The following LINGO1 variants were observed in gnomAD, a reference collection of about 807,000 sequenced individuals.
LINGO1 encodes the protein leucine-rich repeat and immunoglobulin-like domain-containing nogo receptor-interacting protein 1.
Under a neutral mutation model 37.3 loss-of-function variants are expected in LINGO1, and 11 were observed. The ratio of observed to expected loss-of-function variants is 0.29; its 90% CI spans 0.19 to 0.49. LINGO1 has a LOEUF of 0.49. Ranked by LOEUF, LINGO1 falls within the 20% of genes least tolerant of loss-of-function variation. LINGO1 has a pLI of 0.99. For synonymous variants in LINGO1, 387 were observed against 403.0 expected (o/e 0.96, Z 0.48); for missense variants, 585 against 878.2 (o/e 0.67, Z 4.22).
intron 1 of LINGO1, among the ~76,000 whole-genome samples, chr15:77,809,140 G>A (rs2076983273): frequency 6.6e-6 from 1 of 152,218 alleles, no homozygotes; most frequent in Non-Finnish European, 1.5e-5. Context: ...CTTAGAATCT[G>A]CCAGGCCAGG....
chr15:77,628,202 T>G (rs2074150533), intron 1 of LINGO1, among the ~76,000 whole-genome samples: 1 of 152,212 alleles, frequency 6.6e-6, no homozygotes, highest in Non-Finnish European at 1.5e-5. Context: ...CCAGCAATTC[T>G]GCTCCTAGCT....
upstream of LINGO1, among the ~76,000 whole-genome samples, chr15:77,791,956 C>T (rs2076821679): frequency 6.6e-6 from 1 of 151,996 alleles, no homozygotes; most frequent in Non-Finnish European, 1.5e-5. Context: ...TGGATTCACC[C>T]CAAGCAATGA....
intron 1 of LINGO1, among the ~76,000 whole-genome samples, chr15:77,742,447 T>A (rs2076273808): frequency 6.6e-6 from 1 of 152,116 alleles, no homozygotes; most frequent in African/African-American, 2.4e-5. Context: ...GGCACCAGTA[T>A]CCCCCTTTCC....
chr15:77,662,243 G>T (rs376409210), intron 3 of LINGO1, among the ~76,000 whole-genome samples: 179 of 152,244 alleles, frequency 1.2e-3, no homozygotes, highest in African/African-American at 4.0e-3. Flanking sequence ...GGTACTGGTA[G>T]CTCCTACCCC....
chr15:77,727,082 A>G (rs115587446), intron 2 of LINGO1, among the ~76,000 whole-genome samples: 96 of 152,366 alleles, frequency 6.3e-4, no homozygotes, highest in African/African-American at 2.3e-3. Flanking sequence ...GGAAAGAAAA[A>G]TAAGTATTTG....
chr15:77,735,596 C>T (rs1280896640), intron 1 of LINGO1, among the ~76,000 whole-genome samples: 1 of 152,246 alleles, frequency 6.6e-6, no homozygotes, highest in Non-Finnish European at 1.5e-5. Context: ...TGCCTCCCAT[C>T]AGTACAGGCA....
upstream of LINGO1, among the ~76,000 whole-genome samples, chr15:77,638,064 C>T (rs2074429361): frequency 6.6e-6 from 1 of 152,238 alleles, no homozygotes; most frequent in Non-Finnish European, 1.5e-5. Context: ...AGCAGCCTCC[C>T]CTACTGGGAA....
intron 1 of LINGO1, among the ~76,000 whole-genome samples, chr15:77,631,991 C>T (rs1299388699): frequency 2.6e-5 from 4 of 152,118 alleles, no homozygotes; most frequent in African/African-American, 9.7e-5. Context: ...TCTAGAGTGA[C>T]CAATACTCAG....
chr15:77,732,958 G>A (rs948615581), intron 2 of LINGO1, among the ~76,000 whole-genome samples: 10 of 152,180 alleles, frequency 6.6e-5, no homozygotes, highest in African/African-American at 1.7e-4. Flanking sequence ...CACCGGCCAC[G>A]GCCGGCCTCC....
chr15:77,686,172 C>T (rs557726848), intron 2 of LINGO1, among the ~76,000 whole-genome samples: 31 of 152,154 alleles, frequency 2.0e-4, no homozygotes, highest in Admixed American at 2.0e-4. Context: ...AGTCTGTGGT[C>T]GGAGGCCTCA....
upstream of LINGO1, among the ~76,000 whole-genome samples, chr15:77,699,458 C>A (rs572391059): frequency 2.0e-3 from 17 of 8,574 alleles, no homozygotes; most frequent in African/African-American, 7.1e-3. Flanking sequence ...ACATACTAAC[C>A]ACCACCTGCA....
At chr15:77,776,557 G>GAAAGCAGGAA (rs1567577951) in intron 1 of LINGO1, among the ~76,000 whole-genome samples, 1 of 149,970 alleles carries the variant, frequency 6.7e-6, no homozygotes, top group Non-Finnish European at 1.5e-5. Flanking sequence ...AGGGAGGGAG[G>GAAAGCAGGAA]GAGCTGACTC....
chr15:77,764,836 G>A (rs1244422157), intron 1 of LINGO1, among the ~76,000 whole-genome samples: 1 of 152,174 alleles, frequency 6.6e-6, no homozygotes, highest in Non-Finnish European at 1.5e-5. Flanking sequence ...TGCACAAGGG[G>A]AATGTCCACA....
At position 77,632,650 on chromosome 15, in the gene LINGO1, C is replaced by G. The variant is rs893870038; in HGVS notation, c.-335G>C. Among the ~76,000 whole-genome samples the G allele has an allele frequency of 1.4e-5, 2 of 146,098 alleles. No individual in the cohort carries two copies. The highest frequency in any genetic ancestry group is 3.0e-5 in the Non-Finnish European group (2 of 65,780). ...GCCGGCCCGGAGCCGCCGCCGCCGC[C>G]TCTGCCGCTGGGGCCGGGGTCGAGG... On this transcript the variant is annotated 5_prime_UTR_variant, in exon 1 of 2. Coordinates refer to ENST00000355300, the MANE Select transcript of LINGO1 (RefSeq NM_032808.7). The surrounding 1 kb of genome is among the most constrained non-coding windows in gnomAD (Gnocchi z 6.0).
intron 1 of LINGO1, among the ~76,000 whole-genome samples, chr15:77,616,400 C>G (rs990176093): frequency 6.6e-6 from 1 of 152,208 alleles, no homozygotes; most frequent in Non-Finnish European, 1.5e-5. Flanking sequence ...CTAGCCTGCA[C>G]GGCCAGGGCT....
At chr15:77,774,832 A>C (rs2076621565) in intron 1 of LINGO1, among the ~76,000 whole-genome samples, 1 of 152,160 alleles carries the variant, frequency 6.6e-6, no homozygotes, top group South Asian at 2.1e-4. Context: ...ACGTACAGAG[A>C]AGAGTGCCCA....
intron 3 of LINGO1, among the ~76,000 whole-genome samples, chr15:77,676,620 G>C (rs1435935838): frequency 3.9e-5 from 6 of 152,162 alleles, no homozygotes; most frequent in Non-Finnish European, 8.8e-5. Context: ...AGAGAGCTGG[G>C]AACTTCCAGA....
intron 1 of LINGO1, among the ~76,000 whole-genome samples, chr15:77,781,274 A>C (rs978857805): frequency 2.0e-5 from 3 of 152,118 alleles, no homozygotes; most frequent in African/African-American, 7.2e-5. Flanking sequence ...GCCTCCAGCA[A>C]AGGTAACTCA....
At chr15:77,775,415 G>C (rs778635970) in intron 1 of LINGO1, among the ~76,000 whole-genome samples, 1 of 152,150 alleles carries the variant, frequency 6.6e-6, no homozygotes, top group Non-Finnish European at 1.5e-5. Context: ...TGCAGGTCCC[G>C]GTCTCTCCTG....
Sources: gnomAD v4.1 joint callset for allele counts (sites outside exome capture counted in the v4.1 genomes callset) on GRCh38, gnomAD v4.1.1 for gene constraint, Gnocchi (gnomAD v3.1) non-coding constraint, MANE v1.5 for transcripts, NCBI Gene and HGNC (gene_info 2026-07-23, HGNC 2026-07-21) for gene names.